Variants in PLXND1 observed in about 807,000 individuals in gnomAD.
PLXND1 encodes the protein plexin-D1.
PLXND1 carries 54 observed loss-of-function variants against 197.7 expected under a neutral mutation model. The observed-to-expected ratio is 0.27, with a 90% CI of 0.22 to 0.34. The LOEUF is 0.34. PLXND1 is among the 10% of genes least tolerant of loss of function. PLXND1 has a pLI of 1.00. For missense variants in PLXND1, 2,127 were observed against 2,699.2 expected (o/e 0.79, Z 4.70); for synonymous variants, 1,180 against 1,161.2 (o/e 1.02, Z -0.33).
chr3:129,566,772 G>C (rs1243723643), intron 22 of PLXND1, 141 bp from the exon 23 acceptor site: 1 of 591,960 alleles, frequency 1.7e-6, no homozygotes, highest in Non-Finnish European at 3.0e-6. Flanking sequence ...AGGACTAAGA[G>C]GCAGTGGGCC....
intron 8 of PLXND1, among the ~76,000 whole-genome samples, chr3:129,581,721 G>T (rs1486204946): frequency 1.3e-5 from 2 of 152,220 alleles, no homozygotes; most frequent in African/African-American, 2.4e-5. Flanking sequence ...GCTCACACCT[G>T]AGGCTCTTGG....
In PLXND1 at chr3:129,559,734, A is replaced by G; in HGVS notation, c.5183T>C (p.Ile1728Thr). Residue 1728 changes from isoleucine to threonine, a missense_variant, in exon 32 of 36, where the codon ATC becomes ACC. Coordinates refer to ENST00000324093, the MANE Select transcript of PLXND1 (RefSeq NM_015103.3). ...LDDLFKAILS[I>T]REDKPPLAVK... Reference sequence around the variant, plus strand: ...AGCCAGTGGGGGCTTGTCTTCACGGATACTCAGAATGGCCTTGAACAGGTC... The same window carrying G: ...AGCCAGTGGGGGCTTGTCTTCACGGGTACTCAGAATGGCCTTGAACAGGTC... The G allele has an allele frequency of 6.2e-7, 1 of 1,613,146 alleles. No individual in the cohort carries two copies. Among genetic ancestry groups the G allele is most frequent in the Non-Finnish European group, 8.5e-7 (1 of 1,179,706 alleles).
Position 129,606,198 on chromosome 3 carries a change from A to C in PLXND1, c.442T>G (p.Cys148Gly). ...VVCGSIYQGF[C>G]QLRRRGNISA... ...ATGTTGCCCCGGCGCCGCAGCTGGC[A>C]GAAGCCCTGGTAGATGGACCCGCAC... is the stretch of plus-strand genomic sequence containing the variant. The change falls in exon 1 of 36, where the codon TGC (cysteine) becomes GGC (glycine). Residue 148 changes from cysteine to glycine, a missense_variant. Cys to Gly is a radical substitution (Grantham distance 159, BLOSUM62 -3). Around this residue, in one of 6 missense-constraint regions of PLXND1, gnomAD observed 245 missense variants for 267.1 expected, o/e 0.92. Coordinates refer to ENST00000324093, the MANE Select transcript of PLXND1 (RefSeq NM_015103.3). The C allele has an allele frequency of 6.4e-7, 1 of 1,569,158 alleles. No homozygotes were observed. The highest frequency in any genetic ancestry group is 8.6e-7 in the Non-Finnish European group (1 of 1,163,336).
Position 129,606,595 on chromosome 3 carries a change from G to T in PLXND1, c.45C>A (p.Ala15=), listed in dbSNP as rs1465842283. 8.3e-7 allele frequency: 1 copy of T among 1,211,596 alleles called. No individual in the cohort carries two copies. The highest frequency in any genetic ancestry group is 1.6e-5 in the African/African-American group (1 of 63,098). The allele number at this position is 1,211,596 out of a possible 1,614,324, so 75.1% of individuals were successfully genotyped here. ...AAGGAPLSAR[A]AAASPPPFQT... ...GGAACGGCGGGGGGCTGGCGGCGGCGGCCCGGGCGCTAAGGGGTGCGCCGC... is the reference window on the plus strand; with the variant it reads ...GGAACGGCGGGGGGCTGGCGGCGGCTGCCCGGGCGCTAAGGGGTGCGCCGC... Residue 15 remains alanine (A), a synonymous_variant, in exon 1 of 36, where the codon GCC becomes GCA. Coordinates refer to ENST00000324093, the MANE Select transcript of PLXND1 (RefSeq NM_015103.3).
At chr3:129,561,753 G>T (rs373731820) in intron 28 of PLXND1, 44 bp from the exon 29 acceptor site, 12 of 1,541,086 alleles carry the variant, frequency 7.8e-6, no homozygotes, top group Non-Finnish European at 9.7e-6. Context: ...GGAGGTTGGG[G>T]TGGGGGCATG....
Position 129,589,456 on chromosome 3 carries a change from C to G in PLXND1, c.1383G>C (p.Lys461Asn). ...CCGGGGCGCGGAACACGGGCGTGGCCTTCAGGGGCTGCAGGATGGACAGCG... is the reference window on the plus strand; with the variant it reads ...CCGGGGCGCGGAACACGGGCGTGGCGTTCAGGGGCTGCAGGATGGACAGCG... ...QHPLSILQPL[K>N]ATPVFRAPGL... Residue 461 changes from lysine (K) to asparagine (N), a missense_variant, in exon 2 of 36, where the codon AAG (lysine) becomes AAC (asparagine). Physicochemically the swap from Lys to Asn is moderately conservative, Grantham distance 94. Around this residue, in one of 6 missense-constraint regions of PLXND1, gnomAD observed 1,095 missense variants for 1,259.8 expected, o/e 0.87. Transcript: ENST00000324093. The G allele has an allele frequency of 6.2e-7, 1 of 1,611,160 alleles. No homozygotes were observed. Among genetic ancestry groups the G allele is most frequent in the Non-Finnish European group, 8.5e-7 (1 of 1,179,276 alleles).
At chr3:129,604,170 C>G (rs750065620) in intron 1 of PLXND1, among the ~76,000 whole-genome samples, 1 of 152,114 alleles carries the variant, frequency 6.6e-6, no homozygotes, top group African/African-American at 2.4e-5. Context: ...ACCTGGGCCC[C>G]ATGCCTGCCT....
At chr3:129,559,573 G>A (rs2085026355) in intron 32 of PLXND1, 47 bp downstream of exon 32, 2 of 1,491,646 alleles carry the variant, frequency 1.3e-6, no homozygotes, top group African/African-American at 1.4e-5. Context: ...CCTGCCACAG[G>A]GGCCCCAGTG....
intron 1 of PLXND1, among the ~76,000 whole-genome samples, chr3:129,602,416 T>TGGCTTCCTCCTGCTCCTC (rs2085722779): frequency 6.6e-6 from 1 of 152,234 alleles, no homozygotes; most frequent in African/African-American, 2.4e-5. Flanking sequence ...CGGCCTCACC[T>TGGCTTCCTCCTGCTCCTC]GGCTTCCTCC....
intron 24 of PLXND1, 95 bp downstream of exon 24, chr3:129,565,789 TGTC>T: frequency 6.2e-6 from 8 of 1,287,588 alleles, no homozygotes; most frequent in Non-Finnish European, 8.7e-6. Flanking sequence ...AATATGGGGG[TGTC>T]AAGAGCCCCA....
intron 3 of PLXND1, 37 bp from the exon 4 acceptor site, chr3:129,586,309 G>T: frequency 6.9e-7 from 1 of 1,458,476 alleles, no homozygotes; most frequent in Non-Finnish European, 9.3e-7. Flanking sequence ...CAATGGGACT[G>T]CCAGCCTCTC....
At chr3:129,576,579 C>G (rs1024426422) in intron 9 of PLXND1, among the ~76,000 whole-genome samples, 1 of 152,226 alleles carries the variant, frequency 6.6e-6, no homozygotes, top group Non-Finnish European at 1.5e-5. Context: ...ACGGTCAGGG[C>G]TCGGCCGCTC....
intron 1 of PLXND1, among the ~76,000 whole-genome samples, chr3:129,595,153 T>C (rs2108800529): frequency 6.6e-6 from 1 of 152,256 alleles, no homozygotes; most frequent in Middle Eastern, 3.4e-3. Context: ...CCAGTCTCAG[T>C]CCAGCAGCCC....
chr3:129,584,454 A>G lies in PLXND1; in HGVS notation c.1960T>C (p.Phe654Leu). The G allele has an allele frequency of 1.2e-6, 2 of 1,613,822 alleles. No individual in the cohort carries two copies. The highest frequency in any genetic ancestry group is 1.7e-6 in the Non-Finnish European group (2 of 1,179,980). ...TTGCAGTAGGCAATCTGGTGACCAAAGGCAGGGCCTGGGACCCGAGCCACA... is the reference window on the plus strand; with the variant it reads ...TTGCAGTAGGCAATCTGGTGACCAAGGGCAGGGCCTGGGACCCGAGCCACA... ...RTVARVPGPA[F>L]GHQIAYCNLL... Residue 654 changes from phenylalanine (F) to leucine (L), a missense_variant, in exon 6 of 36, where the codon TTT becomes CTT. Transcript: ENST00000324093.
intron 2 of PLXND1, among the ~76,000 whole-genome samples, chr3:129,588,479 T>A (rs986894134): frequency 1.3e-5 from 2 of 151,590 alleles, no homozygotes; most frequent in Admixed American, 6.6e-5. Context: ...AATGTGAGTA[T>A]CTGACCCCAA....
intron 1 of PLXND1, among the ~76,000 whole-genome samples, chr3:129,600,798 C>T (rs529502915): frequency 2.0e-4 from 30 of 152,026 alleles, no homozygotes; most frequent in Admixed American, 1.1e-3. Context: ...TCTCTCCCTC[C>T]GCCCCCACCT....
intron 1 of PLXND1, among the ~76,000 whole-genome samples, chr3:129,590,000 T>C (rs1036792469): frequency 1.3e-5 from 2 of 152,108 alleles, no homozygotes; most frequent in East Asian, 1.9e-4. Flanking sequence ...CAGCCCCGGC[T>C]GGCTCTGCGT....
intron 7 of PLXND1, 104 bp downstream of exon 7, chr3:129,584,021 C>T (rs576468744): frequency 7.0e-5 from 51 of 728,370 alleles, no homozygotes; most frequent in Middle Eastern, 2.5e-4. Flanking sequence ...TCTACCTCTA[C>T]GATGCTATGA....
Position 129,560,408 on chromosome 3 carries a change from C to A in PLXND1, c.5055G>T (p.Glu1685Asp). The A allele has an allele frequency of 6.2e-7, 1 of 1,613,748 alleles. No homozygotes were observed. Among genetic ancestry groups the A allele is most frequent in the South Asian group, 1.1e-5 (1 of 91,066 alleles). The stretch of plus-strand genomic sequence containing the variant: ...GGCTCTGCCGGTGAGACTTCTTGGG[C>A]TCCGCCAGCTCGTCCGTAGGCAGCA... Reference protein sequence around the residue: ...HLVLPTDELAEPKKSHRQSHR... With the variant: ...HLVLPTDELADPKKSHRQSHR... Residue 1685 changes from glutamate to aspartate, a missense_variant, in exon 31 of 36, where the codon GAG becomes GAT. This residue lies in a region of PLXND1 where 53 missense variants were observed against 41.4 expected (regional missense o/e 1.28). Transcript: ENST00000324093.
Sources: gnomAD v4.1 joint callset for allele counts (sites outside exome capture counted in the v4.1 genomes callset) on GRCh38, gnomAD v4.1.1 for gene constraint, gnomAD v4.1.1 regional missense constraint, MANE v1.5 for transcripts, NCBI Gene and HGNC (gene_info 2026-07-23, HGNC 2026-07-21) for gene names.